MYCL: variants seen among roughly 807,000 people sequenced by gnomAD.
The protein encoded by MYCL is MYCL proto-oncogene, bHLH transcription factor.
MYCL carries 11 observed loss-of-function variants against 31.0 expected under a neutral mutation model. The ratio of observed to expected loss-of-function variants is 0.35; its 90% CI spans 0.22 to 0.59. The LOEUF is 0.59. Ranked by LOEUF, MYCL falls within the 20% of genes least tolerant of loss-of-function variation. The pLI, the probability that MYCL is intolerant of heterozygous loss-of-function variation, is 0.79. For synonymous variants in MYCL, 208 were observed against 202.4 expected, an observed-to-expected ratio of 1.03 and a Z score of -0.23; for missense variants, 427 against 486.1, an observed-to-expected ratio of 0.88 and a Z score of 1.14.
Position 39,901,772 on chromosome 1 carries a change from G to A in MYCL, c.-338C>T. 8.1e-7 allele frequency: 1 copy of A among 1,236,220 alleles called. No individual in the cohort carries two copies. The highest frequency in any genetic ancestry group is 1.0e-6 in the Non-Finnish European group (1 of 984,430). 76.6% of individuals were successfully genotyped at this position (1,236,220 alleles called of 1,614,324 possible). A position where few individuals can be genotyped will look rare whatever the true frequency, so the allele number is the denominator to read the frequency against. ...AGCCTGCAGCCAGCCCGCACCGCGG[G>A]ACCCGCGCCCGTGCCCTGGCCACCC... On this transcript the variant is annotated 5_prime_UTR_variant, in exon 1 of 2. Transcript: ENST00000372816. This position sits in a 1 kb window ranked among gnomAD's most constrained non-coding sequence, Gnocchi z 6.9.
At chr1:39,899,836 G>T in intron 1 of MYCL, 1 of 985,372 alleles carries the variant, frequency 1.0e-6, no homozygotes, top group Non-Finnish European at 1.2e-6. Context: ...TCGTGTAAAA[G>T]TTATTCCTAA....
In MYCL at chr1:39,901,268, G is replaced by A. The variant is rs1482847744; in HGVS notation, c.167C>T (p.Pro56Leu). 1 of 1,602,026 alleles carries A rather than the reference G, an allele frequency of 6.2e-7. No individual in the cohort carries two copies. Among genetic ancestry groups the A allele is most frequent in the Admixed American group, 1.7e-5 (1 of 57,624 alleles). The change falls in exon 1 of 2, where the codon CCC (proline) becomes CTC (leucine). Residue 56 changes from proline to leucine, a missense_variant. Transcript: ENST00000372816. The surrounding 1 kb of genome is among the most constrained non-coding windows in gnomAD (Gnocchi z 6.9). The part of the protein sequence containing the change: ...GLGPGAGDPA[P>L]GIGPPEPWPG... ...CCACGGCTCCGGGGGACCAATCCCGGGGGCCGGGTCCCCTGCGCCGGGACC... is the reference window on the plus strand; with the variant it reads ...CCACGGCTCCGGGGGACCAATCCCGAGGGCCGGGTCCCCTGCGCCGGGACC...
Position 39,900,969 on chromosome 1 carries a change from A to G in MYCL, c.466T>C (p.Cys156Arg). The change falls in exon 1 of 2, where the codon TGC becomes CGC. Residue 156 changes from cysteine (C) to arginine (R), a missense_variant. Cys to Arg is a radical substitution (Grantham distance 180). Coordinates refer to ENST00000372816, the MANE Select transcript of MYCL (RefSeq NM_001033081.3). The stretch of plus-strand genomic sequence containing the variant: ...TCGCTTGGGCTCTCGGACCCGGAGC[A>G]GGCCTGGGTCTTGGGTTCGCCCAGC... Reference protein sequence around the residue: ...CPLGEPKTQACSGSESPSDSE... With the variant: ...CPLGEPKTQARSGSESPSDSE... 1 of 1,482,366 alleles carries G rather than the reference A, an allele frequency of 6.7e-7. No homozygotes were observed. The allele number at this position is 1,482,366 out of a possible 1,614,324, so 91.8% of individuals were successfully genotyped here.
Position 39,897,211 on chromosome 1 carries a change from T to C in MYCL, c.*161A>G, listed in dbSNP as rs1193328007. ...AGCTGGGTTTCAAGGTTTCCAAGAATGCAAGCCTTTATTGTGTGTGCACCG... is the reference window on the plus strand; with the variant it reads ...AGCTGGGTTTCAAGGTTTCCAAGAACGCAAGCCTTTATTGTGTGTGCACCG... On this transcript the variant is annotated 3_prime_UTR_variant, in exon 2 of 2. Transcript: ENST00000372816. The surrounding 1 kb of genome is among the most constrained non-coding windows in gnomAD (Gnocchi z 4.3). 2.9e-6 allele frequency: 2 copies of C among 700,878 alleles called. No individual in the cohort carries two copies. Among genetic ancestry groups the C allele is most frequent in the East Asian group, 2.5e-5 (1 of 40,030 alleles). 43.4% of individuals were successfully genotyped at this position (700,878 alleles called of 1,614,324 possible). A position where few individuals can be genotyped will look rare whatever the true frequency, so the allele number is the denominator to read the frequency against.
At chr1:39,899,732 A>C in intron 1 of MYCL, 1 of 985,276 alleles carries the variant, frequency 1.0e-6, no homozygotes, top group Non-Finnish European at 1.2e-6. Context: ...ACAGTGGACC[A>C]GGAAAAAAAA....
At position 39,901,733 on chromosome 1, in the gene MYCL, C is replaced by G; in HGVS notation, c.-299G>C. 8.2e-7 allele frequency: 1 copy of G among 1,214,374 alleles called. No homozygotes were observed. The highest frequency in any genetic ancestry group is 1.0e-6 in the Non-Finnish European group (1 of 979,684). The allele number at this position is 1,214,374 out of a possible 1,614,324, so 75.2% of individuals were successfully genotyped here. ...CCGGCGGGGCCGGGCGGGGGCGCGCCGTGCCCAGAAGGCAGCCTGCAGCCA... is the reference window on the plus strand; with the variant it reads ...CCGGCGGGGCCGGGCGGGGGCGCGCGGTGCCCAGAAGGCAGCCTGCAGCCA... On this transcript the variant is annotated 5_prime_UTR_variant, in exon 1 of 2. Coordinates refer to ENST00000372816, the MANE Select transcript of MYCL (RefSeq NM_001033081.3). This position sits in a 1 kb window ranked among gnomAD's most constrained non-coding sequence, Gnocchi z 6.9.
Position 39,897,893 on chromosome 1 carries a change from G to A in MYCL, c.574C>T (p.Arg192Ter), listed in dbSNP as rs1376071268. 1.9e-6 allele frequency: 3 copies of A among 1,614,126 alleles called. No homozygotes were observed. Among genetic ancestry groups the A allele is most frequent in the East Asian group, 2.2e-5 (1 of 44,872 alleles). The change falls in exon 2 of 2, where the codon CGA (arginine) becomes TGA (stop). Residue 192 changes from arginine to a stop codon, truncating the protein, a stop_gained. Transcript: ENST00000372816. LOFTEE classifies it high-confidence loss of function. The surrounding 1 kb of genome is among the most constrained non-coding windows in gnomAD (Gnocchi z 4.3). Reference sequence around the variant, plus strand: ...ATGCAGGGATCCAGGGGGTCTGCTCGCACCGTGATGGTGACCGGCTTCCGA... The same window carrying A: ...ATGCAGGGATCCAGGGGGTCTGCTCACACCGTGATGGTGACCGGCTTCCGA... ...GIRKPVTITV[R>*]ADPLDPCMKH...
intron 1 of MYCL, chr1:39,900,620 A>T: frequency 7.9e-7 from 1 of 1,263,370 alleles, no homozygotes; most frequent in Non-Finnish European, 1.0e-6. Flanking sequence ...GTGTCTCTTA[A>T]GGTACCCCCT....
rs769344890 is a variant in MYCL, at chr1:39,896,680, G to C, written c.*692C>G. ...AAAGAAAGGTCCCTCCCTCAGAGGAGAGAGCCCAGAGGGCTCTGAGACAAA... is the reference window on the plus strand; with the variant it reads ...AAAGAAAGGTCCCTCCCTCAGAGGACAGAGCCCAGAGGGCTCTGAGACAAA... On this transcript the variant is annotated 3_prime_UTR_variant, in exon 2 of 2. Coordinates refer to ENST00000372816, the MANE Select transcript of MYCL (RefSeq NM_001033081.3). 1 of 213,198 alleles carries C rather than the reference G, an allele frequency of 4.7e-6. No homozygotes were observed. Among genetic ancestry groups the C allele is most frequent in the East Asian group, 6.9e-5 (1 of 14,410 alleles). The allele number at this position is 213,198 out of a possible 1,614,324, so 13.2% of individuals were successfully genotyped here.
At chr1:39,899,121 T>A in intron 1 of MYCL, 2 of 980,834 alleles carry the variant, frequency 2.0e-6, no homozygotes, top group Non-Finnish European at 2.4e-6. Context: ...CTGATTACGC[T>A]GTGTTTGGAC....
chr1:39,901,664 A>G lies in MYCL; in HGVS notation c.-230T>C. On this transcript the variant is annotated 5_prime_UTR_variant, in exon 1 of 2. Transcript: ENST00000372816. This position sits in a 1 kb window ranked among gnomAD's most constrained non-coding sequence, Gnocchi z 6.9. ...GGACCCGACTGTGGGCAGCGAGTTC[A>G]AAGCAAACTTTGCCAGCGCCGCCCG... 4 of 1,310,352 alleles carry G rather than the reference A, an allele frequency of 3.1e-6. No individual in the cohort carries two copies. The highest frequency in any genetic ancestry group is 3.9e-6 in the Non-Finnish European group (4 of 1,036,408). 81.2% of individuals were successfully genotyped at this position (1,310,352 alleles called of 1,614,324 possible). A position where few individuals can be genotyped will look rare whatever the true frequency, so the allele number is the denominator to read the frequency against.
chr1:39,901,436 T>C lies in MYCL; in HGVS notation c.-2A>G. On this transcript the variant is annotated 5_prime_UTR_variant, in exon 1 of 2. Transcript: ENST00000372816. This position sits in a 1 kb window ranked among gnomAD's most constrained non-coding sequence, Gnocchi z 6.9. ...GTGCTGGTACGAGTCGTAGTCCATG[T>C]CCGCTCCCTGCGGGAGGGAAGGGGG... 6.2e-7 allele frequency: 1 copy of C among 1,610,590 alleles called. No individual in the cohort carries two copies. Among genetic ancestry groups the C allele is most frequent in the Non-Finnish European group, 8.5e-7 (1 of 1,179,578 alleles).
chr1:39,897,924 CAG>C lies in MYCL; in HGVS notation c.541_542del (p.Leu181GlyfsTer68), dbSNP rs1165720600. The C allele has an allele frequency of 6.2e-7, 1 of 1,613,990 alleles. No individual in the cohort carries two copies. Among genetic ancestry groups the C allele is most frequent in the East Asian group, 2.2e-5 (1 of 44,890 alleles). On this transcript the variant is annotated frameshift_variant, in exon 2 of 2. Transcript: ENST00000372816. LOFTEE classifies it high-confidence loss of function. The surrounding 1 kb of genome is among the most constrained non-coding windows in gnomAD (Gnocchi z 4.3). Reference sequence around the variant, plus strand: ...TGATGGTGACCGGCTTCCGAATACCCAGAGACTGCCTCTTCTCTACTGTCACA... The same window carrying C: ...TGATGGTGACCGGCTTCCGAATACCCAGACTGCCTCTTCTCTACTGTCACA... ...DVVTVEKRQS[L>X]GIRKPVTITV...
At chr1:39,898,608 G>A in intron 1 of MYCL, 1 of 975,258 alleles carries the variant, frequency 1.0e-6, no homozygotes, top group Non-Finnish European at 1.2e-6. Flanking sequence ...GGGTTCAATG[G>A]GTTTCTAAAG....
chr1:39,899,828 G>A (rs190361520), intron 1 of MYCL: 3 of 985,340 alleles, frequency 3.0e-6, no homozygotes, highest in Admixed American at 6.1e-5. Flanking sequence ...TCAAATGGTC[G>A]TGTAAAAGTT....
At position 39,901,253 on chromosome 1, in the gene MYCL, G is replaced by A. The variant is rs773755589; in HGVS notation, c.182C>T (p.Pro61Leu). ...AGDPAPGIGP[P>L]EPWPGGCTGD... Reference sequence around the variant, plus strand: ...GGTGCACCCTCCGGGCCACGGCTCCGGGGGACCAATCCCGGGGGCCGGGTC... The same window carrying A: ...GGTGCACCCTCCGGGCCACGGCTCCAGGGGACCAATCCCGGGGGCCGGGTC... The change falls in exon 1 of 2, where the codon CCG becomes CTG. Residue 61 changes from proline (P) to leucine (L), a missense_variant. Pro to Leu is a moderately conservative substitution (Grantham distance 98). Coordinates refer to ENST00000372816, the MANE Select transcript of MYCL (RefSeq NM_001033081.3). The surrounding 1 kb of genome is among the most constrained non-coding windows in gnomAD (Gnocchi z 6.9). The A allele has an allele frequency of 3.1e-6, 5 of 1,605,874 alleles. No individual in the cohort carries two copies. The highest frequency in any genetic ancestry group is 3.4e-6 in the Non-Finnish European group (4 of 1,176,594).
Position 39,901,206 on chromosome 1 carries a change from C to T in MYCL, c.229G>A (p.Gly77Ser). 6.2e-7 allele frequency: 1 copy of T among 1,612,994 alleles called. No individual in the cohort carries two copies. The highest frequency in any genetic ancestry group is 8.5e-7 in the Non-Finnish European group (1 of 1,179,610). ...TTCCTGCCCCAGCCTTTCGAGTGGC[C>T]CCGGGATTCCGCTTCGTCTCCGGTG... ...GCTGDEAESR[G>S]HSKGWGRNYA... Residue 77 changes from glycine (G) to serine (S), a missense_variant, in exon 1 of 2, where the codon GGC becomes AGC. Transcript: ENST00000372816. The surrounding 1 kb of genome is among the most constrained non-coding windows in gnomAD (Gnocchi z 6.9).
rs1463006052 is a variant in MYCL, at chr1:39,897,553, C to G, written c.914G>C (p.Arg305Thr). ...NDLRSRFLAL[R>T]DQVPTLASCS... ...GCTGGCCAGGGTGGGCACCTGGTCC[C>G]TCAGCGCCAAGAATCGCGAACGCAG... Residue 305 changes from arginine (R) to threonine (T), a missense_variant, in exon 2 of 2, where the codon AGG (arginine) becomes ACG (threonine). By Grantham distance (71) the Arg-to-Thr change is moderately conservative (BLOSUM62 -1). Coordinates refer to ENST00000372816, the MANE Select transcript of MYCL (RefSeq NM_001033081.3). The surrounding 1 kb of genome is among the most constrained non-coding windows in gnomAD (Gnocchi z 4.3). 1.9e-6 allele frequency: 3 copies of G among 1,614,224 alleles called. No homozygotes were observed. The South Asian group carries it at 3.3e-5, about 18-fold the overall frequency.
exon 1 of MYCL, chr1:39,901,908 GCCCGCACTCACAAGCGCGCCCCC>G: frequency 2.6e-6 from 3 of 1,135,850 alleles, no homozygotes; most frequent in Non-Finnish European, 3.2e-6. The surrounding 1 kb of genome is among the most constrained non-coding windows in gnomAD (Gnocchi z 6.9). Context: ...CGAGAGCGCG[GCCCGCACTCACAAGCGCGCCCCC>G]CCCGCGCGCG....
Sources: gnomAD v4.1 joint callset for allele counts on GRCh38, gnomAD v4.1.1 for gene constraint, Gnocchi (gnomAD v3.1) non-coding constraint, MANE v1.5 for transcripts, NCBI Gene and HGNC (gene_info 2026-07-23, HGNC 2026-07-21) for gene names.